PTPRK: variants seen among roughly 807,000 people sequenced by gnomAD.
PTPRK encodes the protein protein tyrosine phosphatase receptor type K, also known as receptor-type tyrosine-protein phosphatase kappa.
Under a neutral mutation model 178.0 loss-of-function variants are expected in PTPRK, and 75 were observed. The ratio of observed to expected loss-of-function variants is 0.42; its 90% CI spans 0.35 to 0.51. The LOEUF is 0.51. Ranked by LOEUF, PTPRK falls within the 20% of genes least tolerant of loss-of-function variation. The probability of loss-of-function intolerance (pLI) is 0.02; values close to 1 mark genes in which losing one functional copy is unlikely to be tolerated. For missense variants in PTPRK, 1,441 were observed against 1,797.8 expected, an observed-to-expected ratio of 0.80 and a Z score of 3.59; for synonymous variants, 637 against 620.6, an observed-to-expected ratio of 1.03 and a Z score of -0.39.
At chr6:128,456,798 T>A (rs983852676) in intron 1 of PTPRK, among the ~76,000 whole-genome samples, 11 of 152,120 alleles carry the variant, frequency 7.2e-5, no homozygotes, top group Non-Finnish European at 1.6e-4. Context: ...AAAGAAAATG[T>A]CCTTCATTGG....
At chr6:128,142,899 A>G (rs2114518240) in intron 7 of PTPRK, among the ~76,000 whole-genome samples, 1 of 152,180 alleles carries the variant, frequency 6.6e-6, no homozygotes, top group African/African-American at 2.4e-5. Flanking sequence ...CCAAGTAGAG[A>G]CAATTTGGTA....
chr6:128,144,738 A>T (rs1796238351), intron 7 of PTPRK, among the ~76,000 whole-genome samples: 1 of 152,186 alleles, frequency 6.6e-6, no homozygotes, highest in Non-Finnish European at 1.5e-5. Context: ...CAGTATTTAA[A>T]TTATACTTGC....
At chr6:128,078,500 G>C (rs927710522) in intron 11 of PTPRK, among the ~76,000 whole-genome samples, 2 of 151,770 alleles carry the variant, frequency 1.3e-5, no homozygotes, top group Non-Finnish European at 2.9e-5. Context: ...AGTTACCCGT[G>C]TTTCAATTAC....
intron 1 of PTPRK, among the ~76,000 whole-genome samples, chr6:128,422,414 T>A (rs886735561): frequency 6.6e-6 from 1 of 152,078 alleles, no homozygotes; most frequent in Non-Finnish European, 1.5e-5. Context: ...GAAGATATCA[T>A]TGGGGTCTGT....
chr6:128,065,987 T>C (rs981767014), intron 12 of PTPRK, among the ~76,000 whole-genome samples: 3 of 151,282 alleles, frequency 2.0e-5, no homozygotes, highest in East Asian at 3.9e-4. Context: ...ATATTAACAA[T>C]TGGAAGAGAA....
intron 7 of PTPRK, among the ~76,000 whole-genome samples, chr6:128,153,665 C>T (rs1797587355): frequency 1.3e-5 from 2 of 151,878 alleles, no homozygotes; most frequent in African/African-American, 4.8e-5. Context: ...CTTCAAGAAT[C>T]AGCTAGTTTA....
At chr6:128,488,607 C>T (rs1853311473) in intron 1 of PTPRK, among the ~76,000 whole-genome samples, 2 of 152,116 alleles carry the variant, frequency 1.3e-5, no homozygotes, top group African/African-American at 2.4e-5. Context: ...ATAAGGGTTC[C>T]ACCTCACCTT....
At chr6:128,009,850 A>T (rs1464100649) in intron 13 of PTPRK, among the ~76,000 whole-genome samples, 5 of 151,274 alleles carry the variant, frequency 3.3e-5, no homozygotes, top group African/African-American at 1.2e-4. Flanking sequence ...GGAATATTTC[A>T]AATTCTTTTA....
At chr6:128,030,361 T>C (rs749195554) in intron 13 of PTPRK, among the ~76,000 whole-genome samples, 2 of 152,066 alleles carry the variant, frequency 1.3e-5, no homozygotes, top group African/African-American at 2.4e-5. Context: ...TAAAAAAATA[T>C]AAAGCAGCAA....
At chr6:128,236,496 G>A (rs1813301911) in intron 5 of PTPRK, among the ~76,000 whole-genome samples, 1 of 151,530 alleles carries the variant, frequency 6.6e-6, no homozygotes, top group South Asian at 2.1e-4. Flanking sequence ...CTAGATGCGC[G>A]CACCACCACG....
chr6:128,091,811 C>T (rs536357730), intron 7 of PTPRK, among the ~76,000 whole-genome samples: 4 of 152,248 alleles, frequency 2.6e-5, no homozygotes, highest in Admixed American at 6.5e-5. Flanking sequence ...CACTCTCTCA[C>T]GCCAGTTCTT....
chr6:128,378,314 G>A (rs1837391763), intron 2 of PTPRK, among the ~76,000 whole-genome samples: 1 of 151,908 alleles, frequency 6.6e-6, no homozygotes, highest in Non-Finnish European at 1.5e-5. Context: ...CATTAATTTT[G>A]AAAGCAAAAC....
At chr6:128,370,199 T>C (rs1836072841) in intron 2 of PTPRK, among the ~76,000 whole-genome samples, 3 of 152,116 alleles carry the variant, frequency 2.0e-5, no homozygotes, top group Non-Finnish European at 2.9e-5. Context: ...GTGCATATTG[T>C]AGTACTTGCC....
intron 1 of PTPRK, among the ~76,000 whole-genome samples, chr6:128,459,036 T>TA (rs1047804569): frequency 2.6e-5 from 4 of 152,134 alleles, no homozygotes; most frequent in African/African-American, 9.7e-5. Flanking sequence ...AATGTTTAAA[T>TA]ATGAGCAGTA....
In PTPRK at chr6:128,005,227, C is replaced by A; in HGVS notation, c.2351G>T (p.Arg784Leu). 1.9e-6 allele frequency: 3 copies of A among 1,610,958 alleles called. No individual in the cohort carries two copies. The highest frequency in any genetic ancestry group is 2.5e-6 in the Non-Finnish European group (3 of 1,178,154). Reference protein sequence around the residue: ...IVKKSKLAKKRKDAMGNTRQE... With the variant: ...IVKKSKLAKKLKDAMGNTRQE... ...CCGGGTATTCCCCATGGCATCTTTG[C>A]GTTTTTTAGCAAGTTTGCTGCCAAG... Residue 784 changes from arginine to leucine, a missense_variant, in exon 15 of 30, where the codon CGC becomes CTC. Transcript: ENST00000368226.
At chr6:128,291,222 C>A (rs1823332435) in intron 3 of PTPRK, among the ~76,000 whole-genome samples, 1 of 152,058 alleles carries the variant, frequency 6.6e-6, no homozygotes. Context: ...AAGGGCTCAA[C>A]CCTGCTGTCG....
At chr6:128,045,502 C>T (rs1405429994) in intron 13 of PTPRK, among the ~76,000 whole-genome samples, 1 of 151,912 alleles carries the variant, frequency 6.6e-6, no homozygotes, top group Non-Finnish European at 1.5e-5. Context: ...TATGTGGGGA[C>T]AGGAGCAAAA....
intron 1 of PTPRK, among the ~76,000 whole-genome samples, chr6:128,412,681 C>A (rs1233498057): frequency 2.6e-5 from 4 of 152,192 alleles, no homozygotes; most frequent in Non-Finnish European, 4.4e-5. Flanking sequence ...CATTTTTGTA[C>A]AAACTATGGC....
At chr6:128,162,290 T>C (rs578159720) in intron 7 of PTPRK, among the ~76,000 whole-genome samples, 37 of 151,766 alleles carry the variant, frequency 2.4e-4, no homozygotes, top group Non-Finnish European at 5.0e-4. Context: ...AACTGAATCT[T>C]ACATTTTTTA....
Sources: gnomAD v4.1 joint callset for allele counts (sites outside exome capture counted in the v4.1 genomes callset) on GRCh38, gnomAD v4.1.1 for gene constraint, MANE v1.5 for transcripts, NCBI Gene and HGNC (gene_info 2026-07-23, HGNC 2026-07-21) for gene names.